BEAN1: variants seen among roughly 807,000 people sequenced by gnomAD.
BEAN1 encodes protein BEAN1.
Under a neutral mutation model 17.7 loss-of-function variants are expected in BEAN1, and 17 were observed. The ratio of observed to expected loss-of-function variants is 0.96; its 90% CI spans 0.66 to 1.44. The LOEUF is 1.44. BEAN1 is among the 40% of genes most tolerant of loss of function. The pLI is 0.00. For synonymous variants in BEAN1, 142 were observed against 151.8 expected (o/e 0.94, Z 0.47); for missense variants, 359 against 374.1 (o/e 0.96, Z 0.33).
intron 2 of BEAN1, among the ~76,000 whole-genome samples, chr16:66,447,976 G>T (rs111374909): frequency 3.3e-5 from 5 of 152,308 alleles, no homozygotes; most frequent in African/African-American, 1.2e-4. Context: ...AGATGCAGAG[G>T]AGAAGCCCTC....
chr16:66,428,264 G>A (rs1282852160), intron 1 of BEAN1: 1 of 152,574 alleles, frequency 6.6e-6, no homozygotes, highest in Non-Finnish European at 1.5e-5. Context: ...GAGGACCAGG[G>A]ACTGCCCTGT....
At chr16:66,436,616 C>A (rs555190713) in intron 1 of BEAN1, among the ~76,000 whole-genome samples, 2 of 151,386 alleles carry the variant, frequency 1.3e-5, no homozygotes, top group African/African-American at 4.9e-5. Flanking sequence ...CACTCTGTCA[C>A]CCAAGCTGGA....
chr16:66,482,895 C>A (rs756995450), downstream of BEAN1: 2 of 455,990 alleles, frequency 4.4e-6, no homozygotes, highest in South Asian at 3.1e-5. Context: ...CTCACTCAGT[C>A]GCCTACGCTG....
In BEAN1 at chr16:66,480,793, C is replaced by G. The variant is rs146144419; in HGVS notation, c.648C>G (p.Tyr216Ter). ...HTVSMDTLPP[Y>*]EAVCGAGPPS... ...TCTCCATGGACACCCTTCCCCCCTA[C>G]GAGGCTGTGTGCGGGGCTGGCCCCC... The change falls in exon 5 of 5, where the codon TAC becomes TAG. Residue 216 changes from tyrosine to a stop codon, truncating the protein, a stop_gained. Coordinates refer to ENST00000536005, the MANE Select transcript of BEAN1 (RefSeq NM_001178020.3). LOFTEE classifies it low-confidence loss of function (END_TRUNC). The G allele has an allele frequency of 6.5e-7, 1 of 1,549,550 alleles. No individual in the cohort carries two copies. The highest frequency in any genetic ancestry group is 8.7e-7 in the Non-Finnish European group (1 of 1,146,154).
chr16:66,447,873 T>G (rs1962513569), intron 2 of BEAN1, among the ~76,000 whole-genome samples: 1 of 152,212 alleles, frequency 6.6e-6, no homozygotes, highest in Admixed American at 6.5e-5. Flanking sequence ...TGGCTGAAAC[T>G]TCAACCTCCC....
chr16:66,428,947 A>G (rs1203464632), intron 1 of BEAN1, among the ~76,000 whole-genome samples: 2 of 152,020 alleles, frequency 1.3e-5, no homozygotes, highest in Non-Finnish European at 2.9e-5. Flanking sequence ...GCTACCTCCC[A>G]TCTCTCTCCA....
chr16:66,482,592 C>G lies in BEAN1; in HGVS notation c.*1667C>G. The G allele has an allele frequency of 2.8e-6, 1 of 353,742 alleles. No homozygotes were observed. The highest frequency in any genetic ancestry group is 2.2e-5 in the South Asian group (1 of 45,722). The allele number at this position is 353,742 out of a possible 1,614,324, so 21.9% of individuals were successfully genotyped here. A position where few individuals can be genotyped will look rare whatever the true frequency, so the allele number is the denominator to read the frequency against. On this transcript the variant is annotated 3_prime_UTR_variant, in exon 5 of 5. Coordinates refer to ENST00000536005, the MANE Select transcript of BEAN1 (RefSeq NM_001178020.3). Reference sequence around the variant, plus strand: ...AATATCTGTCTGTTGTACTGTATAGCCTTTAAAATGCAGTCCAGGAATGAG... The same window carrying G: ...AATATCTGTCTGTTGTACTGTATAGGCTTTAAAATGCAGTCCAGGAATGAG...
intron 1 of BEAN1, among the ~76,000 whole-genome samples, chr16:66,436,192 C>T (rs544068179): frequency 1.1e-4 from 16 of 152,276 alleles, no homozygotes; most frequent in African/African-American, 3.8e-4. Flanking sequence ...TTCCTACAGC[C>T]TCATGTCCCT....
chr16:66,437,023 A>G (rs1158336289), intron 1 of BEAN1, among the ~76,000 whole-genome samples: 2 of 152,198 alleles, frequency 1.3e-5, no homozygotes, highest in Admixed American at 6.5e-5. Context: ...GCCCTTGGGC[A>G]AGCTGCATAA....
At chr16:66,485,524 G>A, downstream of BEAN1, 1 of 228,378 alleles carries the variant, frequency 4.4e-6, no homozygotes, top group South Asian at 6.1e-5. Flanking sequence ...ACGTCCTCGG[G>A]GCCAGAGGAA....
intron 2 of BEAN1, among the ~76,000 whole-genome samples, chr16:66,450,666 T>G (rs1329219797): frequency 6.6e-6 from 1 of 151,724 alleles, no homozygotes; most frequent in Non-Finnish European, 1.5e-5. Context: ...GGCAGTGAGC[T>G]ATGATTGTGC....
chr16:66,475,270 C>T (rs539447622), intron 3 of BEAN1, among the ~76,000 whole-genome samples: 1 of 152,040 alleles, frequency 6.6e-6, no homozygotes, highest in East Asian at 1.9e-4. Flanking sequence ...CTGGATGTCT[C>T]AGGTTTGGGG....
intron 2 of BEAN1, among the ~76,000 whole-genome samples, chr16:66,459,180 CAG>C (rs1962987623): frequency 6.6e-6 from 1 of 152,228 alleles, no homozygotes; most frequent in Non-Finnish European, 1.5e-5. Flanking sequence ...GGGACCCTTG[CAG>C]CAGCCTCCTC....
At chr16:66,455,793 C>G (rs897010936) in intron 2 of BEAN1, among the ~76,000 whole-genome samples, 2 of 151,678 alleles carry the variant, frequency 1.3e-5, no homozygotes, top group Non-Finnish European at 2.9e-5. Context: ...TTCAAGTGAT[C>G]CTCCCACCTC....
chr16:66,477,380 C>T (rs902892844), intron 3 of BEAN1, among the ~76,000 whole-genome samples, 180 bp from the exon 4 acceptor site: 5 of 152,342 alleles, frequency 3.3e-5, no homozygotes, highest in African/African-American at 7.2e-5. Flanking sequence ...ATGCCCAACA[C>T]GACAATGGCA....
At chr16:66,437,337 C>T (rs983747160) in intron 1 of BEAN1, among the ~76,000 whole-genome samples, 1 of 146,432 alleles carries the variant, frequency 6.8e-6, no homozygotes, top group Non-Finnish European at 1.5e-5. Flanking sequence ...CCCAAAGATC[C>T]ACCCAAGAGA....
intron 3 of BEAN1, among the ~76,000 whole-genome samples, chr16:66,472,106 G>A (rs968808181): frequency 2.2e-4 from 34 of 152,216 alleles, no homozygotes; most frequent in African/African-American, 7.2e-4. Flanking sequence ...TGGCCTTCTC[G>A]AACCGAAAAA....
chr16:66,490,320 C>T (rs1208484320), intron 4 of BEAN1, among the ~76,000 whole-genome samples: 1 of 147,734 alleles, frequency 6.8e-6, no homozygotes, highest in Non-Finnish European at 1.5e-5. Flanking sequence ...TCGCTTGAAC[C>T]CAGAAGGTGG....
downstream of BEAN1, chr16:66,483,121 G>A (rs772680295): frequency 1.1e-4 from 34 of 322,686 alleles, no homozygotes; most frequent in Non-Finnish European, 1.8e-4. Flanking sequence ...TCAGCCTCCC[G>A]AGTAGGGTTT....
Sources: allele counts gnomAD v4.1 joint callset (sites outside exome capture counted in the v4.1 genomes callset), GRCh38; gene constraint gnomAD v4.1.1; transcripts MANE v1.5; gene names NCBI Gene and HGNC (gene_info 2026-07-23, HGNC 2026-07-21).